Variants in RNF138 observed in about 807,000 individuals in gnomAD.
RNF138 encodes ring finger protein 138.
Under a neutral mutation model 31.0 loss-of-function variants are expected in RNF138, and 12 were observed. That is an observed-to-expected ratio of 0.39 (90% CI 0.25 to 0.63). The LOEUF is 0.63. RNF138 is among the 20% of genes least tolerant of loss of function. The probability of loss-of-function intolerance (pLI) is 0.52; values close to 1 mark genes in which losing one functional copy is unlikely to be tolerated. For missense variants in RNF138, 192 were observed against 300.1 expected (o/e 0.64, Z 2.66); for synonymous variants, 105 against 99.5 (o/e 1.06, Z -0.33).
chr18:32,102,821 G>A (rs943620687), intron 2 of RNF138, among the ~76,000 whole-genome samples: 6 of 151,862 alleles, frequency 4.0e-5, no homozygotes, highest in African/African-American at 9.7e-5. Context: ...AGTAGAGACG[G>A]GGTTTCACCA....
chr18:32,092,557 A>G (rs1361042238), intron 1 of RNF138, 143 bp from the exon 2 acceptor site: 3 of 539,550 alleles, frequency 5.6e-6, no homozygotes, highest in African/African-American at 4.0e-5. Flanking sequence ...CTGTGGGAGG[A>G]GCCGTGGGAG....
intron 7 of RNF138, among the ~76,000 whole-genome samples, chr18:32,127,018 T>C (rs2040395208): frequency 6.6e-6 from 1 of 152,094 alleles, no homozygotes; most frequent in African/African-American, 2.4e-5. Context: ...AGAGAGAGAA[T>C]TAATAAGAGT....
intron 4 of RNF138, among the ~76,000 whole-genome samples, chr18:32,115,548 C>T (rs1191676238): frequency 1.3e-5 from 2 of 152,122 alleles, no homozygotes; most frequent in African/African-American, 2.4e-5. Context: ...AGTTCAAGAC[C>T]AGCCTGGCCA....
At chr18:32,100,106 C>T (rs2039897847) in intron 2 of RNF138, among the ~76,000 whole-genome samples, 2 of 151,872 alleles carry the variant, frequency 1.3e-5, no homozygotes, top group Admixed American at 6.6e-5. Flanking sequence ...ATTAGGACTG[C>T]CTAATAGGTG....
chr18:32,094,276 A>G (rs1251563088), intron 2 of RNF138, among the ~76,000 whole-genome samples: 1 of 152,020 alleles, frequency 6.6e-6, no homozygotes, highest in Non-Finnish European at 1.5e-5. Context: ...CTTAATTGCA[A>G]ATGCCCTTAC....
intron 4 of RNF138, among the ~76,000 whole-genome samples, chr18:32,117,928 A>G (rs960554264): frequency 6.6e-6 from 1 of 152,214 alleles, no homozygotes; most frequent in African/African-American, 2.4e-5. Context: ...AGATGAATGT[A>G]ATCATTAAGA....
intron 6 of RNF138, 69 bp from the exon 7 acceptor site, chr18:32,126,624 A>T: frequency 2.0e-6 from 2 of 978,100 alleles, no homozygotes; most frequent in Non-Finnish European, 3.1e-6. Context: ...GTGTTATTTT[A>T]ATACTGTCAA....
intron 2 of RNF138, among the ~76,000 whole-genome samples, chr18:32,102,632 G>C (rs1173413558): frequency 6.6e-6 from 1 of 151,080 alleles, no homozygotes; most frequent in Non-Finnish European, 1.5e-5. Context: ...AGGTTAATTT[G>C]GGATTTTCTT....
In RNF138 at chr18:32,129,145, A is replaced by G. The variant is rs1274750543; in HGVS notation, c.696A>G (p.Gln232=). The G allele has an allele frequency of 1.2e-6, 2 of 1,612,478 alleles. No individual in the cohort carries two copies. The highest frequency in any genetic ancestry group is 1.7e-6 in the Non-Finnish European group (2 of 1,178,992). ...ATCTTCAGCTAGATGAAGAAACCCAATACCAAACTGCTGTTGAAGAATCTT... is the reference window on the plus strand; with the variant it reads ...ATCTTCAGCTAGATGAAGAAACCCAGTACCAAACTGCTGTTGAAGAATCTT... ...FVNLQLDEET[Q]YQTAVEESFQ... Residue 232 remains glutamine, a synonymous_variant, in exon 8 of 8, where the codon CAA becomes CAG. Transcript: ENST00000261593.
chr18:32,098,852 C>CAA (rs76852201), intron 2 of RNF138, among the ~76,000 whole-genome samples: 5 of 58,288 alleles, frequency 8.6e-5, no homozygotes, highest in South Asian at 5.3e-4. Flanking sequence ...GACTCCGTTT[C>CAA]AAAAAAAAAA....
At chr18:32,117,486 AT>A (rs1252608006) in intron 4 of RNF138, among the ~76,000 whole-genome samples, 1 of 152,138 alleles carries the variant, frequency 6.6e-6, no homozygotes, top group African/African-American at 2.4e-5. Flanking sequence ...TTAAAGTGGC[AT>A]TTGCATGCAA....
At chr18:32,098,305 A>G (rs971621408) in intron 2 of RNF138, among the ~76,000 whole-genome samples, 1 of 151,748 alleles carries the variant, frequency 6.6e-6, no homozygotes, top group Admixed American at 6.6e-5. Context: ...TGCGCCCACA[A>G]TATATTTCTT....
In RNF138 at chr18:32,111,712, G is replaced by A. The variant is rs544543086; in HGVS notation, c.111-42G>A. The A allele has an allele frequency of 1.3e-5, 19 of 1,508,862 alleles. No homozygotes were observed. In the Admixed American group the frequency reaches 2.1e-4, roughly 17 times the overall value. The allele number at this position is 1,508,862 out of a possible 1,614,324, so 93.5% of individuals were successfully genotyped here. The stretch of plus-strand genomic sequence containing the variant: ...GTATTTAATTATAGAGATGAAGAGA[G>A]TAATTTTTTTTGTAATTAATGTGTC... On this transcript the variant is annotated intron_variant, in intron 2 of 7. Transcript: ENST00000261593.
At chr18:32,128,450 ATTGCT>A (rs1349681162) in intron 7 of RNF138, among the ~76,000 whole-genome samples, 1 of 152,142 alleles carries the variant, frequency 6.6e-6, no homozygotes, top group Non-Finnish European at 1.5e-5. Flanking sequence ...AGGCACAAGA[ATTGCT>A]TGAGCCCAGG....
chr18:32,104,085 C>T (rs2039988964), intron 2 of RNF138, among the ~76,000 whole-genome samples: 1 of 146,960 alleles, frequency 6.8e-6, no homozygotes, highest in Admixed American at 6.9e-5. Flanking sequence ...CTGATCTTGG[C>T]TCACTGCAAC....
intron 6 of RNF138, 183 bp downstream of exon 6, chr18:32,125,028 G>T (rs1400977211): frequency 1.1e-5 from 6 of 530,970 alleles, no homozygotes; most frequent in Admixed American, 3.1e-5. Context: ...TAAAATTGCA[G>T]TAACTCTCAT....
intron 2 of RNF138, among the ~76,000 whole-genome samples, chr18:32,104,013 C>CTTTT (rs745696010): frequency 4.6e-5 from 6 of 130,832 alleles, no homozygotes; most frequent in Non-Finnish European, 6.5e-5. Context: ...GGCTAAAAAA[C>CTTTT]TTTTTTTTTT....
At chr18:32,124,675 A>G in intron 5 of RNF138, 59 bp from the exon 6 acceptor site, 1 of 824,850 alleles carries the variant, frequency 1.2e-6, no homozygotes, top group South Asian at 1.4e-5. Flanking sequence ...AAAAAATAGG[A>G]GAGCGTTATT....
intron 2 of RNF138, among the ~76,000 whole-genome samples, chr18:32,097,872 ATATGTATATATGTG>A (rs1372710875): frequency 1.3e-5 from 2 of 151,750 alleles, no homozygotes; most frequent in Admixed American, 6.6e-5. Context: ...CGGGCTATAT[ATATGTATATATGTG>A]TATGTATATG....
Sources: allele counts gnomAD v4.1 joint callset (sites outside exome capture counted in the v4.1 genomes callset), GRCh38; gene constraint gnomAD v4.1.1; transcripts MANE v1.5; gene names NCBI Gene and HGNC (gene_info 2026-07-23, HGNC 2026-07-21).